PSMG2: variants seen among roughly 807,000 people sequenced by gnomAD.
PSMG2 encodes CD40 ligand-activated specific transcript 3.
PSMG2 carries 21 observed loss-of-function variants against 31.5 expected under a neutral mutation model. That is an observed-to-expected ratio of 0.67 (90% CI 0.47 to 0.96). PSMG2 has a LOEUF of 0.96. Among genes scored for constraint, PSMG2 ranks in the 40% least tolerant of loss-of-function variants. The pLI is 0.00. For synonymous variants in PSMG2, 120 were observed against 110.4 expected, an observed-to-expected ratio of 1.09 and a Z score of -0.54; for missense variants, 318 against 321.2, an observed-to-expected ratio of 0.99 and a Z score of 0.08.
chr18:12,718,091 CT>C (rs1316134804), intron 3 of PSMG2, among the ~76,000 whole-genome samples: 1 of 151,070 alleles, frequency 6.6e-6, no homozygotes, highest in Non-Finnish European at 1.5e-5. Context: ...TCACTGCAGC[CT>C]TCACCTCCTG....
At chr18:12,678,117 G>A (rs1466331337) in intron 1 of PSMG2, 2 of 1,609,588 alleles carry the variant, frequency 1.2e-6, no homozygotes, top group East Asian at 2.2e-5. Flanking sequence ...ACCTTCCTGT[G>A]TTCTGACACC....
rs751964546 is a variant in PSMG2 at position 12,720,700 on chromosome 18, G to C, written c.581+17G>C. Reference sequence around the variant, plus strand: ...TGATGAAAGGTGAGTTTGTTTGCCTGTTCATTTGTTTCCCACTTTACTTAA... The same window carrying C: ...TGATGAAAGGTGAGTTTGTTTGCCTCTTCATTTGTTTCCCACTTTACTTAA... On this transcript the variant is annotated intron_variant, in intron 5 of 6. Transcript: ENST00000317615. 3 of 1,599,670 alleles carry C rather than the reference G, an allele frequency of 1.9e-6. No homozygotes were observed. The Admixed American group carries it at 5.3e-5, about 28-fold the overall frequency.
chr18:12,666,437 T>G (rs986483039), intron 1 of PSMG2, among the ~76,000 whole-genome samples: 608 of 60,096 alleles, frequency 0.01, 6 homozygotes, highest in African/African-American at 0.033. Context: ...AATTTTATGG[T>G]TTTTTTTTTT....
At chr18:12,685,971 C>T (rs959580028) in intron 1 of PSMG2, 2 of 242,056 alleles carry the variant, frequency 8.3e-6, no homozygotes, top group Middle Eastern at 1.6e-3. Flanking sequence ...AGCACATCCT[C>T]CTATATACTT....
At chr18:12,705,301 T>G (rs1385176838) in intron 1 of PSMG2, among the ~76,000 whole-genome samples, 1 of 152,098 alleles carries the variant, frequency 6.6e-6, no homozygotes, top group Non-Finnish European at 1.5e-5. Flanking sequence ...TAACCTCAGG[T>G]GATCCACCTG....
At chr18:12,682,538 TA>T (rs769608574) in intron 1 of PSMG2, among the ~76,000 whole-genome samples, 3 of 152,096 alleles carry the variant, frequency 2.0e-5, no homozygotes, top group Non-Finnish European at 4.4e-5. Flanking sequence ...TAAAGTTTTT[TA>T]AAAAAAATTA....
chr18:12,692,757 C>T (rs2039813562), intron 1 of PSMG2, among the ~76,000 whole-genome samples: 1 of 152,238 alleles, frequency 6.6e-6, no homozygotes, highest in Non-Finnish European at 1.5e-5. Flanking sequence ...TACACAGCTA[C>T]ATCTCCAGTG....
chr18:12,681,510 A>G (rs577391401), intron 1 of PSMG2, among the ~76,000 whole-genome samples: 39 of 152,118 alleles, frequency 2.6e-4, no homozygotes, highest in Non-Finnish European at 1.3e-4. Flanking sequence ...TCAGCCTCCC[A>G]AAGTGTTGGG....
At chr18:12,679,085 G>C (rs549098526) in intron 1 of PSMG2, 28 of 152,298 alleles carry the variant, frequency 1.8e-4, no homozygotes, top group African/African-American at 6.5e-4. Flanking sequence ...AATGAAAAGA[G>C]GGCCCAGGGC....
chr18:12,673,363 C>G (rs1181252044), intron 1 of PSMG2: 6 of 1,598,762 alleles, frequency 3.8e-6, no homozygotes, highest in Non-Finnish European at 5.1e-6. Flanking sequence ...TAAATATTGG[C>G]CCTATAATAC....
At chr18:12,689,694 C>G (rs921085041) in intron 1 of PSMG2, among the ~76,000 whole-genome samples, 1 of 152,116 alleles carries the variant, frequency 6.6e-6, no homozygotes, top group Non-Finnish European at 1.5e-5. Context: ...CATCCTGAGT[C>G]CTCTCTAGTT....
rs889408311 is a variant in PSMG2 at position 12,709,023 on chromosome 18, C to CTTTAT, written c.229+2320_229+2324dup. On this transcript the variant is annotated intron_variant, in intron 2 of 6. Transcript: ENST00000317615. ...AGCAACTGCGCCCGGCCCCCGTAAA[C>CTTTAT]TTTATTTTATTTTATTTTATTTATT... Among the ~76,000 whole-genome samples the CTTTAT allele has an allele frequency of 8.4e-4, 126 of 150,766 alleles. 1 individual carries two copies. The highest frequency in any genetic ancestry group is 1.3e-3 in the Non-Finnish European group (91 of 67,706).
intron 1 of PSMG2, among the ~76,000 whole-genome samples, chr18:12,704,357 C>G (rs543137211): frequency 6.6e-6 from 1 of 152,036 alleles, no homozygotes; most frequent in African/African-American, 2.4e-5. Context: ...AGGCCGAGTA[C>G]AGGAGGATCG....
At position 12,680,590 on chromosome 18, in the gene PSMG2, CCATCTCAAAAAAAAAAAAAAAA is replaced by C. The variant is rs1251056798; in HGVS notation, c.-37+21818_-37+21839del. The C allele has an allele frequency of 4.7e-5, 51 of 1,093,308 alleles. No homozygotes were observed. The Admixed American group carries it at 1.3e-3, about 28-fold the overall frequency. The allele number at this position is 1,093,308 out of a possible 1,614,324, so 67.7% of individuals were successfully genotyped here. A position where few individuals can be genotyped will look rare whatever the true frequency, so the allele number is the denominator to read the frequency against. ...CCAGCCTGGGCGACAGAGCGAGACT[CCATCTCAAAAAAAAAAAAAAAA>C]AAAAACTTATAACTTCATTTTAATA... On this transcript the variant is annotated intron_variant, in intron 1 of 6. Transcript: ENST00000585331.
At chr18:12,665,693 A>G (rs541572369) in intron 1 of PSMG2, among the ~76,000 whole-genome samples, 1 of 152,250 alleles carries the variant, frequency 6.6e-6, no homozygotes. Context: ...AACTTCTTAA[A>G]AATTTTTTTT....
intron 1 of PSMG2, among the ~76,000 whole-genome samples, chr18:12,705,566 AGAGAGAGAGAGTGTGT>A (rs1206396748): frequency 7.8e-6 from 1 of 128,452 alleles, no homozygotes; most frequent in African/African-American, 2.9e-5. Flanking sequence ...AGAGAGAGAG[AGAGAGAGAGAGTGTGT>A]GTGTGTGTGT....
chr18:12,705,576 A>AGAGAGTGT (rs1465866538), intron 1 of PSMG2, among the ~76,000 whole-genome samples: 20 of 129,776 alleles, frequency 1.5e-4, no homozygotes, highest in South Asian at 1.4e-3. Flanking sequence ...AGAGAGAGAG[A>AGAGAGTGT]GTGTGTGTGT....
At chr18:12,679,880 C>A (rs142374107) in intron 1 of PSMG2, among the ~76,000 whole-genome samples, 19 of 151,942 alleles carry the variant, frequency 1.3e-4, no homozygotes, top group African/African-American at 4.6e-4. Flanking sequence ...CTAGACAACA[C>A]AGCAAAAGCT....
At chr18:12,709,780 G>A (rs963472141) in intron 2 of PSMG2, among the ~76,000 whole-genome samples, 6 of 151,696 alleles carry the variant, frequency 4.0e-5, no homozygotes, top group African/African-American at 1.5e-4. Flanking sequence ...GATTACAGGC[G>A]TGAGCCACCA....
Sources: gnomAD v4.1 joint callset for allele counts (sites outside exome capture counted in the v4.1 genomes callset) on GRCh38, gnomAD v4.1.1 for gene constraint, MANE v1.5 for transcripts, NCBI Gene and HGNC (gene_info 2026-07-23, HGNC 2026-07-21) for gene names.